The following TBC1D17 variants were observed in gnomAD, a reference collection of about 807,000 sequenced individuals.
TBC1D17 encodes TBC1 domain family member 17.
A neutral mutation model predicts 78.8 loss-of-function variants in TBC1D17; 69 were observed. That is an observed-to-expected ratio of 0.88 (90% CI 0.72 to 1.07). The LOEUF is 1.07. TBC1D17 is among the 50% of genes least tolerant of loss of function. The pLI, the probability that TBC1D17 is intolerant of heterozygous loss-of-function variation, is 0.00. For missense variants in TBC1D17, 957 were observed against 861.0 expected (o/e 1.11, Z -1.39); for synonymous variants, 456 against 358.3 (o/e 1.27, Z -3.08).
intron 15 of TBC1D17, 108 bp downstream of exon 15, chr19:49,887,942 G>A: frequency 9.2e-7 from 1 of 1,087,374 alleles, no homozygotes; most frequent in South Asian, 1.6e-5. Context: ...TGAAAGCCTG[G>A]TTAGTTGGGA....
In TBC1D17 at chr19:49,888,617, A is replaced by T; in HGVS notation, c.1940A>T (p.Asp647Val). 1 of 1,520,020 alleles carries T rather than the reference A, an allele frequency of 6.6e-7. No individual in the cohort carries two copies. The highest frequency in any genetic ancestry group is 8.8e-7 in the Non-Finnish European group (1 of 1,136,740). The allele number at this position is 1,520,020 out of a possible 1,614,324, so 94.2% of individuals were successfully genotyped here. ...ILPEEEDEGA[D>V]S is the part of the protein sequence containing the mutation. ...CCCGAGGAGGAGGACGAGGGCGCCG[A>T]CTCCTAACCCCGCCAGGCAGCCTCG... Residue 647 changes from aspartate (D) to valine (V), a missense_variant, in exon 17 of 17, where the codon GAC (aspartate) becomes GTC (valine). Asp to Val is a radical substitution (Grantham distance 152). Transcript: ENST00000221543.
At chr19:49,881,904 C>A in intron 5 of TBC1D17, 137 bp from the exon 6 acceptor site, 1 of 787,554 alleles carries the variant, frequency 1.3e-6, no homozygotes, top group Non-Finnish European at 2.1e-6. Flanking sequence ...CCTCCTTTAA[C>A]AGCATTCCCT....
intron 13 of TBC1D17, chr19:49,886,606 G>C (rs1384888787): frequency 6.6e-6 from 1 of 152,182 alleles, no homozygotes; most frequent in African/African-American, 2.4e-5. Context: ...TTTCATCACG[G>C]TGCATAGTCT....
chr19:49,885,615 GAGA>G (rs1375776507), intron 13 of TBC1D17: 2 of 151,726 alleles, frequency 1.3e-5, no homozygotes, highest in Non-Finnish European at 1.5e-5. Context: ...CAAGGAGTTT[GAGA>G]CCAGCCTGGG....
At chr19:49,888,400 G>T (rs1414360443) in intron 16 of TBC1D17, 24 bp from the exon 17 acceptor site, 2 of 1,569,256 alleles carry the variant, frequency 1.3e-6, no homozygotes, top group Non-Finnish European at 1.7e-6. Context: ...TCCGCTTTTC[G>T]CTTCTCTCAT....
At position 49,878,277 on chromosome 19, in the gene TBC1D17, G is replaced by A. The variant is rs376664452; in HGVS notation, c.120+36G>A. 1.9e-5 allele frequency: 29 copies of A among 1,539,592 alleles called. 1 individual carries two copies. Among genetic ancestry groups the A allele is most frequent in the African/African-American group, 8.2e-5 (6 of 72,852 alleles). On this transcript the variant is annotated intron_variant, in intron 2 of 16. Transcript: ENST00000221543. ...AGGGAGCAGGGCTCGGACCCGCTCC[G>A]AGCGGGATGCAGGCGGTCTGGGATG...
chr19:49,879,424 G>A (rs1408689157), intron 3 of TBC1D17: 1 of 152,218 alleles, frequency 6.6e-6, no homozygotes, highest in African/African-American at 2.4e-5. Context: ...AGATGAAGAT[G>A]AAGATGACTC....
At chr19:49,884,173 G>T in intron 10 of TBC1D17, 80 bp from the exon 11 acceptor site, 1 of 1,300,486 alleles carries the variant, frequency 7.7e-7, no homozygotes, top group East Asian at 2.3e-5. Flanking sequence ...AGGAGGAGCA[G>T]TGGGGGCTGG....
chr19:49,884,093 A>G (rs772307556), intron 10 of TBC1D17, among the ~76,000 whole-genome samples, 160 bp from the exon 11 acceptor site: 10 of 152,208 alleles, frequency 6.6e-5, no homozygotes, highest in African/African-American at 1.7e-4. Context: ...CAGCAGGAGC[A>G]TCAGTGATAG....
In TBC1D17 at chr19:49,884,352, TG is replaced by T; in HGVS notation, c.1227del (p.Met409IlefsTer12). On this transcript the variant is annotated frameshift_variant, in exon 11 of 17. Transcript: ENST00000221543. LOFTEE classifies it high-confidence loss of function. ...LLNDILLTYC[M>X]YHFDLGYVQG... ...AACGATATCCTCCTCACCTACTGCA[TG>T]TATCACTTCGACCTCGGTGGGTGCC... is the stretch of plus-strand genomic sequence containing the variant. The T allele has an allele frequency of 6.2e-7, 1 of 1,614,050 alleles. No homozygotes were observed.
intron 1 of TBC1D17, 134 bp from the exon 2 acceptor site, chr19:49,878,009 C>G: frequency 1.2e-6 from 1 of 809,982 alleles, no homozygotes; most frequent in Admixed American, 2.8e-5. Context: ...CCATTCTCCC[C>G]GCCTTGGTCC....
rs937598725 is a variant in TBC1D17 at position 49,887,844 on chromosome 19, C to T, written c.1659+10C>T. 2.5e-6 allele frequency: 4 copies of T among 1,597,356 alleles called. No homozygotes were observed. The highest frequency in any genetic ancestry group is 1.3e-5 in the African/African-American group (1 of 74,754). ...CAATGAGATCCTCAAGGTGAGGCTCCGGCCCCGCCCCCGCCCTGTCCCCCC... is the reference window on the plus strand; with the variant it reads ...CAATGAGATCCTCAAGGTGAGGCTCTGGCCCCGCCCCCGCCCTGTCCCCCC... On this transcript the variant is annotated intron_variant, in intron 15 of 16. Transcript: ENST00000221543.
intron 1 of TBC1D17, 62 bp from the exon 2 acceptor site, chr19:49,878,081 T>G: frequency 1.4e-6 from 2 of 1,384,310 alleles, no homozygotes; most frequent in Non-Finnish European, 9.9e-7. Flanking sequence ...CCCGTCCCTA[T>G]TGGCTCCCCA....
rs141457277 is a variant in TBC1D17, at chr19:49,882,047, G to A, written c.534G>A (p.Pro178=). 5.0e-6 allele frequency: 8 copies of A among 1,613,546 alleles called. No individual in the cohort carries two copies. The highest frequency in any genetic ancestry group is 1.3e-5 in the African/African-American group (1 of 75,004). ...GTCACCTCCCGCCTCCCAGCTCCCC[G>A]CAGGACTCCCGCCTCTACCTTGTCT... ...LSRYLLLASS[P]QDSRLYLVFP... is the part of the protein sequence containing the mutation. The change falls in exon 6 of 17, where the codon CCG becomes CCA. Residue 178 remains proline, a synonymous_variant. Coordinates refer to ENST00000221543, the MANE Select transcript of TBC1D17 (RefSeq NM_024682.3).
chr19:49,887,781 A>T lies in TBC1D17; in HGVS notation c.1606A>T (p.Met536Leu). ...HLLVACAILD[M>L]ERDTLMLSGF... is the part of the protein sequence containing the mutation. ...GCTGGTGGCCTGCGCCATCCTGGAC[A>T]TGGAGAGGGACACCCTCATGCTGTC... Residue 536 changes from methionine to leucine, a missense_variant, in exon 15 of 17, where the codon ATG (methionine) becomes TTG (leucine). By Grantham distance (15) the Met-to-Leu change is conservative. Coordinates refer to ENST00000221543, the MANE Select transcript of TBC1D17 (RefSeq NM_024682.3). The T allele has an allele frequency of 2.5e-6, 4 of 1,613,104 alleles. No homozygotes were observed. The highest frequency in any genetic ancestry group is 3.4e-6 in the Non-Finnish European group (4 of 1,179,778).
chr19:49,887,859 C>A, intron 15 of TBC1D17, 25 bp downstream of exon 15: 1 of 1,572,870 alleles, frequency 6.4e-7, no homozygotes, highest in Non-Finnish European at 8.7e-7. Context: ...CCGCCCCCGC[C>A]CTGTCCCCCC....
chr19:49,881,945 A>T, intron 5 of TBC1D17, 96 bp from the exon 6 acceptor site: 1 of 1,079,388 alleles, frequency 9.3e-7, no homozygotes, highest in South Asian at 1.4e-5. Flanking sequence ...GGTGGTTGGG[A>T]CGCTGCAGCT....
Position 49,888,465 on chromosome 19 carries a change from G to C in TBC1D17, c.1788G>C (p.Pro596=). ...HNVQEILGLA[P]PAEPHSPSPT... is the part of the protein sequence containing the mutation. ...TGCAGGAGATCCTGGGGCTGGCCCC[G>C]CCCGCAGAGCCCCACAGCCCCTCGC... Residue 596 remains proline, a synonymous_variant, in exon 17 of 17, where the codon CCG becomes CCC. Coordinates refer to ENST00000221543, the MANE Select transcript of TBC1D17 (RefSeq NM_024682.3). The C allele has an allele frequency of 1.3e-6, 2 of 1,572,114 alleles. No homozygotes were observed. The highest frequency in any genetic ancestry group is 8.6e-7 in the Non-Finnish European group (1 of 1,162,150).
intron 9 of TBC1D17, 83 bp from the exon 10 acceptor site, chr19:49,883,568 C>T: frequency 1.6e-6 from 2 of 1,253,788 alleles, no homozygotes; most frequent in African/African-American, 2.9e-5. Flanking sequence ...GCAGGGCTGA[C>T]CTGGGAGGTG....
Sources: gnomAD v4.1 joint callset for allele counts (sites outside exome capture counted in the v4.1 genomes callset) on GRCh38, gnomAD v4.1.1 for gene constraint, MANE v1.5 for transcripts, NCBI Gene and HGNC (gene_info 2026-07-23, HGNC 2026-07-21) for gene names.